Variants in SUDS3 observed in about 807,000 individuals in gnomAD.
SUDS3 encodes SIN3A corepressor complex component SDS3, also known as sin3 histone deacetylase corepressor complex component SDS3.
Under a neutral mutation model 53.5 loss-of-function variants are expected in SUDS3, and 23 were observed. The observed-to-expected ratio is 0.43, with a 90% CI of 0.31 to 0.61. The LOEUF is 0.61. Ranked by LOEUF, SUDS3 falls within the 20% of genes least tolerant of loss-of-function variation. The probability of loss-of-function intolerance (pLI) is 0.10; values close to 1 mark genes in which losing one functional copy is unlikely to be tolerated. For synonymous variants in SUDS3, 150 were observed against 148.5 expected, an observed-to-expected ratio of 1.01 and a Z score of -0.08; for missense variants, 291 against 405.9, an observed-to-expected ratio of 0.72 and a Z score of 2.43.
chr12:118,398,925 C>T (rs192844007), intron 6 of SUDS3, among the ~76,000 whole-genome samples: 50 of 152,238 alleles, frequency 3.3e-4, no homozygotes, highest in African/African-American at 1.1e-3. Context: ...GCTCTGGTTA[C>T]TTGGAGGATG....
At chr12:118,384,846 G>A (rs2046100044) in intron 3 of SUDS3, among the ~76,000 whole-genome samples, 1 of 151,448 alleles carries the variant, frequency 6.6e-6, no homozygotes, top group Non-Finnish European at 1.5e-5. Context: ...AAAAAAAAAA[G>A]AGTGCAGGCT....
intron 11 of SUDS3, among the ~76,000 whole-genome samples, chr12:118,413,358 A>C (rs1483866192): frequency 1.3e-5 from 2 of 152,230 alleles, no homozygotes; most frequent in African/African-American, 2.4e-5. Context: ...AGGCAAGAAG[A>C]AGCCAGAGAC....
At chr12:118,379,534 C>T (rs2046034491) in intron 1 of SUDS3, among the ~76,000 whole-genome samples, 6 of 152,144 alleles carry the variant, frequency 3.9e-5, no homozygotes, top group Admixed American at 2.0e-4. Context: ...TTGGTATCCA[C>T]GGGAGGTGCA....
At chr12:118,388,628 G>A (rs770723617) in intron 4 of SUDS3, among the ~76,000 whole-genome samples, 9 of 152,172 alleles carry the variant, frequency 5.9e-5, no homozygotes, top group Non-Finnish European at 8.8e-5. Context: ...GGCATCTGAA[G>A]GGCATGATGT....
In SUDS3 at chr12:118,392,616, C is replaced by T. The variant is rs143549512; in HGVS notation, c.517+1334C>T. ...TTGTGAAAGTGCTTATTTAATGAGA[C>T]CAGTAGCACCGTGGTACCTTATCTG... On this transcript the variant is annotated intron_variant, in intron 6 of 11. Coordinates refer to ENST00000543473, the MANE Select transcript of SUDS3 (RefSeq NM_022491.3). 3.6e-3 allele frequency among the ~76,000 whole-genome samples: 541 copies of T among 152,282 alleles called. 1 individual carries two copies. Among genetic ancestry groups the T allele is most frequent in the Non-Finnish European group, 5.7e-3 (386 of 68,010 alleles).
intron 1 of SUDS3, 24 bp downstream of exon 1, chr12:118,376,857 C>A: frequency 6.6e-7 from 1 of 1,505,592 alleles, no homozygotes; most frequent in Middle Eastern, 2.3e-4. Flanking sequence ...CTCGCCCGGC[C>A]GCCCGGAGCG....
intron 5 of SUDS3, 31 bp downstream of exon 5, chr12:118,389,977 GC>G: frequency 6.2e-7 from 1 of 1,613,904 alleles, no homozygotes; most frequent in Non-Finnish European, 8.5e-7. Flanking sequence ...GGGTTTGCAG[GC>G]CCTGTCTGAG....
At chr12:118,412,721 C>T (rs530869757) in intron 11 of SUDS3, among the ~76,000 whole-genome samples, 8 of 152,246 alleles carry the variant, frequency 5.3e-5, no homozygotes, top group African/African-American at 1.9e-4. Flanking sequence ...TATGATACCT[C>T]AAGATTTTTC....
intron 1 of SUDS3, among the ~76,000 whole-genome samples, chr12:118,377,153 T>C (rs954326690): frequency 2.0e-5 from 3 of 152,072 alleles, no homozygotes; most frequent in African/African-American, 7.2e-5. Flanking sequence ...ACTCATTTAC[T>C]GAATACATCG....
intron 10 of SUDS3, among the ~76,000 whole-genome samples, chr12:118,408,368 C>A (rs998008233): frequency 1.3e-5 from 2 of 149,048 alleles, no homozygotes; most frequent in African/African-American, 2.5e-5. Context: ...GAGTCTCGTT[C>A]TTCCAGCCAG....
intron 4 of SUDS3, among the ~76,000 whole-genome samples, chr12:118,387,105 A>G (rs2046121877): frequency 6.6e-6 from 1 of 152,174 alleles, no homozygotes; most frequent in African/African-American, 2.4e-5. Context: ...TGCCCAGTGC[A>G]CACCAACAGA....
intron 2 of SUDS3, among the ~76,000 whole-genome samples, chr12:118,381,050 G>C (rs2046054077): frequency 6.6e-6 from 1 of 152,048 alleles, no homozygotes; most frequent in Non-Finnish European, 1.5e-5. Flanking sequence ...GCACAGAGAG[G>C]GTAATTGTTG....
chr12:118,387,157 A>AC (rs2046122298), intron 4 of SUDS3, among the ~76,000 whole-genome samples: 3 of 152,184 alleles, frequency 2.0e-5, no homozygotes, highest in African/African-American at 7.2e-5. Context: ...GAGAAAGTGG[A>AC]GCCCCAGCTA....
rs116368050 is a variant in SUDS3, at chr12:118,405,885, G to A, written c.803+2368G>A. 4.2e-4 allele frequency among the ~76,000 whole-genome samples: 64 copies of A among 152,256 alleles called. 1 individual carries two copies. The highest frequency in any genetic ancestry group is 1.5e-3 in the African/African-American group (63 of 41,538). On this transcript the variant is annotated intron_variant, in intron 10 of 11. Transcript: ENST00000543473. The stretch of plus-strand genomic sequence containing the variant: ...TGAGAGGTCAGCTACATTGCTTTAT[G>A]CTCTTTCCAGAGGGTATGGAGTATT...
intron 10 of SUDS3, among the ~76,000 whole-genome samples, chr12:118,410,749 A>T (rs1242106297): frequency 1.3e-5 from 2 of 151,940 alleles, no homozygotes; most frequent in African/African-American, 4.8e-5. Flanking sequence ...GGCACCTGCC[A>T]CCATGCCCGG....
chr12:118,383,067 G>A (rs952568687), intron 2 of SUDS3, among the ~76,000 whole-genome samples: 8 of 152,222 alleles, frequency 5.3e-5, no homozygotes, highest in African/African-American at 1.9e-4. Flanking sequence ...TGCCCTGAAA[G>A]AGTGAGATGT....
At chr12:118,403,644 C>G in intron 10 of SUDS3, 127 bp downstream of exon 10, 2 of 727,496 alleles carry the variant, frequency 2.7e-6, no homozygotes, top group Non-Finnish European at 4.6e-6. Context: ...AAGTAGAAAC[C>G]CATTAAAAAA....
In SUDS3 at chr12:118,417,414, G is replaced by A. The variant is rs1050282766; in HGVS notation, c.*2981G>A. On this transcript the variant is annotated 3_prime_UTR_variant, in exon 12 of 12. Coordinates refer to ENST00000543473, the MANE Select transcript of SUDS3 (RefSeq NM_022491.3). ...GATTGTATTTTTTACAGTTTTTTGG[G>A]TTTGGCTTCCTTCTCACATTTCTTT... The A allele has an allele frequency of 6.6e-6, 1 of 151,768 alleles. No individual in the cohort carries two copies. Among genetic ancestry groups the A allele is most frequent in the East Asian group, 1.9e-4 (1 of 5,184 alleles). 9.4% of individuals were successfully genotyped at this position (151,768 alleles called of 1,614,324 possible).
At chr12:118,385,012 G>A (rs775499531) in intron 3 of SUDS3, among the ~76,000 whole-genome samples, 11 of 152,216 alleles carry the variant, frequency 7.2e-5, no homozygotes, top group Non-Finnish European at 1.6e-4. Flanking sequence ...TAGCACAGCA[G>A]TGTGCACACT....
Sources: allele counts gnomAD v4.1 joint callset (sites outside exome capture counted in the v4.1 genomes callset), GRCh38; gene constraint gnomAD v4.1.1; transcripts MANE v1.5; gene names NCBI Gene and HGNC (gene_info 2026-07-23, HGNC 2026-07-21).